Variants in GRIN2B observed in about 807,000 individuals in gnomAD.
The protein encoded by GRIN2B is glutamate receptor ionotropic, NMDA 2B.
In GRIN2B, 5 loss-of-function variants were observed where a neutral mutation model predicts 114.5. That is an observed-to-expected ratio of 0.04 (90% CI 0.02 to 0.09). The LOEUF (loss-of-function observed/expected upper bound fraction) is 0.09. GRIN2B is among the 10% of genes least tolerant of loss of function. The pLI is 1.00. For missense variants in GRIN2B, 1,108 were observed against 1,943.5 expected (o/e 0.57, Z 8.08); for synonymous variants, 787 against 745.1 (o/e 1.06, Z -0.92).
chr12:13,693,693 G>A (rs1950233620), intron 4 of GRIN2B, among the ~76,000 whole-genome samples: 1 of 152,112 alleles, frequency 6.6e-6, no homozygotes, highest in Non-Finnish European at 1.5e-5. Flanking sequence ...TCCCTGGGTG[G>A]TTGTCTTGTG....
Position 13,899,253 on chromosome 12 carries a change from AAAAC to A in GRIN2B, c.-18-33031_-18-33028del, listed in dbSNP as rs1351329575. ...TTTTGAAGTCAAAAAAACAAAAACA[AAAAC>A]AAACAAACGAAAGAAAGAAAACAAA... On this transcript the variant is annotated intron_variant, in intron 2 of 13. Coordinates refer to ENST00000609686, the MANE Select transcript of GRIN2B (RefSeq NM_000834.5). Among the ~76,000 whole-genome samples, 6 of 152,204 alleles carry A rather than the reference AAAAC, an allele frequency of 3.9e-5. No individual in the cohort carries two copies. In the South Asian group the frequency reaches 6.2e-4, roughly 16 times the overall value.
intron 3 of GRIN2B, among the ~76,000 whole-genome samples, chr12:13,843,676 T>C (rs190476904): frequency 1.4e-4 from 22 of 152,270 alleles, no homozygotes; most frequent in African/African-American, 4.6e-4. Flanking sequence ...CTAAGAATCA[T>C]GTACAATTAT....
intron 10 of GRIN2B, among the ~76,000 whole-genome samples, chr12:13,594,367 C>T (rs535948677): frequency 5.3e-5 from 8 of 152,236 alleles, no homozygotes; most frequent in African/African-American, 1.7e-4. Context: ...AGTTCATGTC[C>T]TTTGCAGGGA....
At chr12:13,891,329 T>A (rs1366894782) in intron 2 of GRIN2B, among the ~76,000 whole-genome samples, 1 of 152,012 alleles carries the variant, frequency 6.6e-6, no homozygotes, top group Non-Finnish European at 1.5e-5. Flanking sequence ...ACCAATGTTC[T>A]CCCCCTCCTC....
At chr12:13,853,902 CTA>C (rs1865614730) in intron 3 of GRIN2B, among the ~76,000 whole-genome samples, 1 of 152,216 alleles carries the variant, frequency 6.6e-6, no homozygotes, top group Non-Finnish European at 1.5e-5. Flanking sequence ...CTGTGACAAG[CTA>C]TATGTTAGGT....
At chr12:13,981,170 A>G (rs952720379) in intron 1 of GRIN2B, among the ~76,000 whole-genome samples, 172 bp downstream of exon 1, 21 of 151,970 alleles carry the variant, frequency 1.4e-4, no homozygotes, top group Non-Finnish European at 2.9e-4. Context: ...ACAAAAAAAA[A>G]AAACCTTTAA....
chr12:13,866,257 T>C (rs200229939), intron 2 of GRIN2B, 31 bp from the exon 3 acceptor site: 9 of 1,581,714 alleles, frequency 5.7e-6, no homozygotes, highest in South Asian at 2.2e-5. Context: ...CATGTTAAAA[T>C]AGGATCTACA....
chr12:13,741,541 G>A (rs962915489), intron 4 of GRIN2B, among the ~76,000 whole-genome samples: 2 of 151,962 alleles, frequency 1.3e-5, no homozygotes, highest in African/African-American at 4.8e-5. Flanking sequence ...GGGGGTTTGG[G>A]GTTTTTTGTT....
chr12:13,760,475 G>A (rs1454938362), intron 3 of GRIN2B, among the ~76,000 whole-genome samples: 1 of 152,142 alleles, frequency 6.6e-6, no homozygotes, highest in East Asian at 1.9e-4. Context: ...ATATCATAGG[G>A]AATATAATCC....
chr12:13,689,010 A>G lies in GRIN2B; in HGVS notation c.1011-13151T>C, dbSNP rs185319668. Among the ~76,000 whole-genome samples the G allele has an allele frequency of 2.0e-5, 3 of 152,076 alleles. No individual in the cohort carries two copies. The East Asian group carries it at 5.8e-4, about 29-fold the overall frequency. On this transcript the variant is annotated intron_variant, in intron 4 of 13. Coordinates refer to ENST00000609686, the MANE Select transcript of GRIN2B (RefSeq NM_000834.5). ...TCTTAGTTCTCCTCCTTCATCTGTG[A>G]TTTCTCCTTCTTTACTGGATGCCTT...
At chr12:13,829,070 C>T (rs1391531227) in intron 3 of GRIN2B, among the ~76,000 whole-genome samples, 1 of 152,118 alleles carries the variant, frequency 6.6e-6, no homozygotes, top group Non-Finnish European at 1.5e-5. Context: ...GGTAATTCTA[C>T]CATAGAAGAG....
chr12:13,697,422 C>T (rs1380251573), intron 4 of GRIN2B, among the ~76,000 whole-genome samples: 2 of 152,138 alleles, frequency 1.3e-5, no homozygotes, highest in African/African-American at 4.8e-5. Context: ...CCCTTGTCAC[C>T]CTACTAGCTT....
chr12:13,573,530 T>G (rs1456879333), intron 10 of GRIN2B, among the ~76,000 whole-genome samples: 1 of 150,204 alleles, frequency 6.7e-6, no homozygotes, highest in South Asian at 2.1e-4. Context: ...TTAATTTGTG[T>G]CTCTATTCTG....
At chr12:13,953,036 C>T (rs368569339) in intron 2 of GRIN2B, among the ~76,000 whole-genome samples, 3 of 151,634 alleles carry the variant, frequency 2.0e-5, no homozygotes, top group Non-Finnish European at 4.4e-5. Flanking sequence ...GTTGAGAAGA[C>T]CCAAGCATCT....
intron 4 of GRIN2B, among the ~76,000 whole-genome samples, chr12:13,684,856 T>C (rs1950163447): frequency 1.3e-5 from 2 of 152,258 alleles, no homozygotes; most frequent in South Asian, 4.2e-4. Context: ...GTTATCTCTT[T>C]TTTGTGACTA....
intron 9 of GRIN2B, among the ~76,000 whole-genome samples, chr12:13,609,267 A>ATGCATT (rs1949328739): frequency 6.6e-6 from 1 of 152,210 alleles, no homozygotes; most frequent in African/African-American, 2.4e-5. Context: ...TAACTTCCAA[A>ATGCATT]AACATCAGCA....
intron 2 of GRIN2B, among the ~76,000 whole-genome samples, chr12:13,867,321 A>G (rs1389023395): frequency 1.3e-5 from 2 of 152,172 alleles, no homozygotes; most frequent in Non-Finnish European, 2.9e-5. Context: ...TATGCATCAA[A>G]CTAAGGACAT....
intron 3 of GRIN2B, among the ~76,000 whole-genome samples, chr12:13,864,212 C>T (rs1428956141): frequency 3.9e-5 from 6 of 152,174 alleles, no homozygotes; most frequent in Admixed American, 6.5e-5. Flanking sequence ...TTAACTTGAC[C>T]TTTCCTAGAC....
chr12:13,753,502 A>G lies in GRIN2B; in HGVS notation c.825T>C (p.Thr275=), dbSNP rs1486920700. 2.5e-6 allele frequency: 4 copies of G among 1,614,184 alleles called. No homozygotes were observed. The highest frequency in any genetic ancestry group is 3.4e-6 in the Non-Finnish European group (4 of 1,180,022). ...CATCATATGATACAGAGATGAGCCC[A>G]GTGGGGAACTCCGCAGGCACTGTGT... The part of the protein sequence containing the change: ...DTDTVPAEFP[T]GLISVSYDEW... The change falls in exon 4 of 14, where the codon ACT becomes ACC. Residue 275 remains threonine, a synonymous_variant. Coordinates refer to ENST00000609686, the MANE Select transcript of GRIN2B (RefSeq NM_000834.5). This position sits in a 1 kb window ranked among gnomAD's most constrained non-coding sequence, Gnocchi z 6.2.
Sources: gnomAD v4.1 joint callset for allele counts (sites outside exome capture counted in the v4.1 genomes callset) on GRCh38, gnomAD v4.1.1 for gene constraint, Gnocchi (gnomAD v3.1) non-coding constraint, MANE v1.5 for transcripts, NCBI Gene and HGNC (gene_info 2026-07-23, HGNC 2026-07-21) for gene names.